CSMD1: variants seen among roughly 807,000 people sequenced by gnomAD.
CSMD1 encodes the protein CUB and Sushi multiple domains 1.
CSMD1 carries 213 observed loss-of-function variants against 417.5 expected under a neutral mutation model. That is an observed-to-expected ratio of 0.51 (90% CI 0.46 to 0.57). CSMD1 has a LOEUF of 0.57. Among genes scored for constraint, CSMD1 ranks in the 20% least tolerant of loss-of-function variants. The probability of loss-of-function intolerance (pLI) is 0.00; values close to 1 mark genes in which losing one functional copy is unlikely to be tolerated. For missense variants in CSMD1, 6,923 were observed against 4,529.7 expected, an observed-to-expected ratio of 1.53 and a Z score of -15.17; for synonymous variants, 2,862 against 1,736.8, an observed-to-expected ratio of 1.65 and a Z score of -16.11.
chr8:4,185,498 G>A (rs924643129), intron 3 of CSMD1, among the ~76,000 whole-genome samples: 12 of 151,950 alleles, frequency 7.9e-5, no homozygotes, highest in African/African-American at 2.9e-4. Flanking sequence ...CAGGGAATCC[G>A]AAAACACTAT....
At chr8:3,049,028 T>G (rs938304342) in intron 50 of CSMD1, among the ~76,000 whole-genome samples, 2 of 152,042 alleles carry the variant, frequency 1.3e-5, no homozygotes, top group Admixed American at 1.3e-4. Context: ...AAAGCAATAA[T>G]AAGATACTAC....
intron 1 of CSMD1, among the ~76,000 whole-genome samples, chr8:4,882,522 A>T (rs184879818): frequency 6.6e-6 from 1 of 151,822 alleles, no homozygotes; most frequent in East Asian, 2.0e-4. Flanking sequence ...CCTCTCCCAC[A>T]GGTAATGGTT....
chr8:3,704,253 A>T (rs1801038976), intron 7 of CSMD1, among the ~76,000 whole-genome samples: 1 of 152,118 alleles, frequency 6.6e-6, no homozygotes, highest in Non-Finnish European at 1.5e-5. Flanking sequence ...GTCAGTCTGC[A>T]CCTGGACAGA....
chr8:3,443,130 A>G (rs1815094727), intron 12 of CSMD1, among the ~76,000 whole-genome samples: 1 of 152,228 alleles, frequency 6.6e-6, no homozygotes, highest in Non-Finnish European at 1.5e-5. Context: ...GACATCCACT[A>G]GTGAGCAGTG....
chr8:4,114,840 C>T (rs1011436055), intron 3 of CSMD1, among the ~76,000 whole-genome samples: 13 of 152,186 alleles, frequency 8.5e-5, no homozygotes, highest in East Asian at 7.7e-4. Flanking sequence ...AGGCTGAAGA[C>T]GTGACTGAAT....
intron 5 of CSMD1, among the ~76,000 whole-genome samples, chr8:3,756,931 A>G (rs1481720): frequency 0.34 from 51,618 of 151,844 alleles, 9,000 homozygotes; most frequent in East Asian, 0.44. Flanking sequence ...GAGTAGCTAG[A>G]GCTATATGTG....
chr8:4,596,149 G>A (rs1461932800), intron 2 of CSMD1, among the ~76,000 whole-genome samples: 1 of 152,026 alleles, frequency 6.6e-6, no homozygotes, highest in Non-Finnish European at 1.5e-5. Context: ...ACTTGCTTCA[G>A]GAATACATAA....
chr8:3,145,099 G>C (rs887453103), intron 40 of CSMD1, among the ~76,000 whole-genome samples: 16 of 152,146 alleles, frequency 1.1e-4, no homozygotes, highest in African/African-American at 3.9e-4. Context: ...GTGTGTTTGT[G>C]TGACTGCCTT....
At chr8:4,180,857 C>G (rs1164556860) in intron 3 of CSMD1, among the ~76,000 whole-genome samples, 1 of 152,128 alleles carries the variant, frequency 6.6e-6, no homozygotes, top group Non-Finnish European at 1.5e-5. Context: ...TTTAAAAGCT[C>G]ACGATACTAA....
intron 1 of CSMD1, among the ~76,000 whole-genome samples, chr8:4,722,247 T>C (rs562449405): frequency 3.6e-4 from 55 of 152,276 alleles, no homozygotes; most frequent in Non-Finnish European, 7.2e-4. Flanking sequence ...TATTTGACTA[T>C]GCATATCAAG....
intron 1 of CSMD1, among the ~76,000 whole-genome samples, chr8:4,930,657 T>G (rs892132466): frequency 2.6e-5 from 4 of 152,172 alleles, no homozygotes; most frequent in Non-Finnish European, 4.4e-5. Flanking sequence ...CCCAGAAACA[T>G]TAATATTTCC....
intron 3 of CSMD1, among the ~76,000 whole-genome samples, chr8:4,112,148 C>G (rs1486869426): frequency 6.6e-6 from 1 of 152,138 alleles, no homozygotes; most frequent in Non-Finnish European, 1.5e-5. Context: ...GCTGGGCATC[C>G]AGAGCTTAAA....
chr8:3,195,337 G>A (rs1301706750), intron 33 of CSMD1, among the ~76,000 whole-genome samples: 3 of 152,076 alleles, frequency 2.0e-5, no homozygotes, highest in Non-Finnish European at 4.4e-5. Flanking sequence ...AAGGATGTGG[G>A]CTCTGCCTCT....
chr8:4,392,544 C>G (rs867700243), intron 3 of CSMD1, among the ~76,000 whole-genome samples: 2 of 151,804 alleles, frequency 1.3e-5, no homozygotes, highest in African/African-American at 4.8e-5. Context: ...TCATTGGTCA[C>G]TAGGAAACTT....
chr8:3,990,552 T>G (rs1231815645), intron 5 of CSMD1, among the ~76,000 whole-genome samples: 2 of 152,228 alleles, frequency 1.3e-5, no homozygotes, highest in African/African-American at 4.8e-5. Context: ...CTACCACCAT[T>G]CAATAAATTA....
chr8:3,218,766 G>A (rs1284376017), intron 29 of CSMD1, among the ~76,000 whole-genome samples: 1 of 151,858 alleles, frequency 6.6e-6, no homozygotes, highest in Non-Finnish European at 1.5e-5. Flanking sequence ...CAGCTACTCG[G>A]GGGGCTGAGA....
intron 7 of CSMD1, among the ~76,000 whole-genome samples, chr8:3,703,020 T>G (rs900092): frequency 0.033 from 4,983 of 152,238 alleles, 226 homozygotes; most frequent in African/African-American, 0.11. Context: ...TTTCCAAGAA[T>G]AAAATAATTC....
rs548373143 is a variant in CSMD1, at chr8:3,524,517, A to T, written c.1345-30791T>A. Among the ~76,000 whole-genome samples, 746 of 151,576 alleles carry T rather than the reference A, an allele frequency of 4.9e-3. 6 individuals carry two copies. The highest frequency in any genetic ancestry group is 0.017 in the African/African-American group (712 of 41,114). ...AGTACACACATGCACAGATGCACAC[A>T]TGCAAAGACATACGCACACACAAGC... On this transcript the variant is annotated intron_variant, in intron 10 of 69. Transcript: ENST00000635120.
chr8:4,547,109 A>G (rs1797672643), intron 2 of CSMD1, among the ~76,000 whole-genome samples: 1 of 152,302 alleles, frequency 6.6e-6, no homozygotes, highest in Non-Finnish European at 1.5e-5. Context: ...AATTCAATAT[A>G]TGCATCCCCC....
Sources: gnomAD v4.1 joint callset for allele counts (sites outside exome capture counted in the v4.1 genomes callset) on GRCh38, gnomAD v4.1.1 for gene constraint, MANE v1.5 for transcripts, NCBI Gene and HGNC (gene_info 2026-07-23, HGNC 2026-07-21) for gene names.